GRIK3: variants seen among roughly 807,000 people sequenced by gnomAD.
The protein encoded by GRIK3 is glutamate ionotropic receptor kainate type subunit 3.
In GRIK3, 29 loss-of-function variants were observed where a neutral mutation model predicts 102.5. The observed-to-expected ratio is 0.28, with a 90% CI of 0.21 to 0.39. GRIK3 has a LOEUF of 0.39. Ranked by LOEUF, GRIK3 falls within the 10% of genes least tolerant of loss-of-function variation. The pLI is 1.00. For missense variants in GRIK3, 908 were observed against 1,252.4 expected (o/e 0.73, Z 4.15); for synonymous variants, 511 against 504.9 (o/e 1.01, Z -0.16).
At chr1:36,947,094 G>C (rs546571604) in intron 1 of GRIK3, among the ~76,000 whole-genome samples, 40 of 152,210 alleles carry the variant, frequency 2.6e-4, no homozygotes, top group Admixed American at 7.2e-4. Context: ...GAGAGAGGAG[G>C]CTCAAGGGGA....
chr1:36,915,552 C>A (rs771423660), intron 1 of GRIK3, among the ~76,000 whole-genome samples: 1 of 152,110 alleles, frequency 6.6e-6, no homozygotes, highest in African/African-American at 2.4e-5. Context: ...GGATGTGTCC[C>A]CACCCAAATC....
rs1641524239 is a variant in GRIK3, at chr1:36,926,135, A to G, written c.116-35039T>C. Among the ~76,000 whole-genome samples, 3 of 152,276 alleles carry G rather than the reference A, an allele frequency of 2.0e-5. No homozygotes were observed. In the South Asian group the frequency reaches 6.2e-4, roughly 32 times the overall value. On this transcript the variant is annotated intron_variant, in intron 1 of 15. Transcript: ENST00000373091. ...AGTGATTCCTCAGTCCAGTCCCAAG[A>G]ATTCTTAGGGCCCTGCTTCTACTTT...
At chr1:36,981,707 G>A (rs534875985) in intron 1 of GRIK3, among the ~76,000 whole-genome samples, 1 of 152,174 alleles carries the variant, frequency 6.6e-6, no homozygotes, top group African/African-American at 2.4e-5. Flanking sequence ...TGAGTCATGT[G>A]TCTCTTTATT....
At chr1:36,883,296 G>A (rs964907282) in intron 2 of GRIK3, among the ~76,000 whole-genome samples, 16 of 152,196 alleles carry the variant, frequency 1.1e-4, no homozygotes, top group African/African-American at 3.9e-4. Context: ...GGTGAGAATG[G>A]AGACTTCTCC....
rs150411795 is a variant in GRIK3 at position 36,850,969 on chromosome 1, G to A, written c.1213-545C>T. Among the ~76,000 whole-genome samples, 42 of 152,324 alleles carry A rather than the reference G, an allele frequency of 2.8e-4. 1 individual carries two copies. The South Asian group carries it at 7.5e-3, about 27-fold the overall frequency. On this transcript the variant is annotated intron_variant, in intron 8 of 15. Transcript: ENST00000373091. This position sits in a 1 kb window ranked among gnomAD's most constrained non-coding sequence, Gnocchi z 4.0. The stretch of plus-strand genomic sequence containing the variant: ...GTAGAATAATCTCTCTCTCTACAGC[G>A]TCCTTGTGGATATCGGGCCTGAGGC...
chr1:37,033,101 C>T (rs1642846116), intron 1 of GRIK3, among the ~76,000 whole-genome samples: 1 of 152,220 alleles, frequency 6.6e-6, no homozygotes, highest in African/African-American at 2.4e-5. Context: ...TGCCGGTCGT[C>T]GGCCCGGGAC....
intron 10 of GRIK3, among the ~76,000 whole-genome samples, chr1:36,835,773 C>G (rs1640369890): frequency 6.6e-6 from 1 of 152,226 alleles, no homozygotes; most frequent in South Asian, 2.1e-4. Context: ...AGCCCTCTTG[C>G]TCTCTTACAC....
At chr1:36,924,538 C>T (rs1475802860) in intron 1 of GRIK3, among the ~76,000 whole-genome samples, 2 of 152,176 alleles carry the variant, frequency 1.3e-5, no homozygotes, top group African/African-American at 4.8e-5. Context: ...CACACACAGT[C>T]GCTGTTGCTG....
Position 36,872,527 on chromosome 1 carries a change from G to C in GRIK3, c.551-158C>G, listed in dbSNP as rs1186363480. ...CCACAGAGACTTGTGCACGTGCATG[G>C]ACAACACTGGAGAGCAGGTGTGTGT... On this transcript the variant is annotated intron_variant, in intron 3 of 15. Coordinates refer to ENST00000373091, the MANE Select transcript of GRIK3 (RefSeq NM_000831.4). This position sits in a 1 kb window ranked among gnomAD's most constrained non-coding sequence, Gnocchi z 5.9. Among the ~76,000 whole-genome samples, 1 of 152,200 alleles carries C rather than the reference G, an allele frequency of 6.6e-6. No individual in the cohort carries two copies. Among genetic ancestry groups the C allele is most frequent in the Non-Finnish European group, 1.5e-5 (1 of 68,038 alleles).
chr1:36,847,418 T>G (rs922440969), intron 9 of GRIK3, among the ~76,000 whole-genome samples: 2 of 152,140 alleles, frequency 1.3e-5, no homozygotes, highest in Non-Finnish European at 2.9e-5. Flanking sequence ...AAATGCAAAT[T>G]AAGTTTGTAA....
chr1:36,974,337 T>G (rs1268911357), intron 1 of GRIK3, among the ~76,000 whole-genome samples: 1 of 152,234 alleles, frequency 6.6e-6, no homozygotes, highest in African/African-American at 2.4e-5. Flanking sequence ...TTATTAGTTA[T>G]GTACCTATGG....
intron 1 of GRIK3, among the ~76,000 whole-genome samples, chr1:36,945,011 C>T (rs1641767244): frequency 6.6e-6 from 1 of 152,192 alleles, no homozygotes; most frequent in Non-Finnish European, 1.5e-5. Flanking sequence ...GAGGCTGCCC[C>T]AGCCATGCTG....
intron 1 of GRIK3, among the ~76,000 whole-genome samples, chr1:36,971,280 G>A (rs1377625848): frequency 6.6e-6 from 1 of 152,174 alleles, no homozygotes; most frequent in Non-Finnish European, 1.5e-5. Flanking sequence ...AGGCCAACTG[G>A]GAGGGCTTTA....
intron 10 of GRIK3, among the ~76,000 whole-genome samples, chr1:36,826,514 AAAAGTTAGCT>A (rs1642756338): frequency 6.6e-6 from 1 of 152,036 alleles, no homozygotes; most frequent in African/African-American, 2.4e-5. Context: ...CAAAAAATTA[AAAAGTTAGCT>A]GGGTACAGTG....
intron 9 of GRIK3, among the ~76,000 whole-genome samples, chr1:36,848,826 G>C (rs888771028): frequency 6.8e-6 from 1 of 146,004 alleles, no homozygotes; most frequent in Non-Finnish European, 1.5e-5. Context: ...AGATATTTTT[G>C]CTTATTGGTT....
intron 10 of GRIK3, among the ~76,000 whole-genome samples, chr1:36,837,007 T>C (rs931807060): frequency 5.9e-5 from 9 of 151,948 alleles, no homozygotes; most frequent in African/African-American, 2.2e-4. Flanking sequence ...TAGCCTCTCT[T>C]CCTTGGGCCT....
intron 1 of GRIK3, among the ~76,000 whole-genome samples, chr1:36,986,986 C>A (rs535810555): frequency 6.6e-6 from 1 of 152,318 alleles, no homozygotes; most frequent in Non-Finnish European, 1.5e-5. Context: ...CCCAAGGATA[C>A]AACCCTCCCT....
intron 10 of GRIK3, among the ~76,000 whole-genome samples, chr1:36,832,248 C>T (rs1054799073): frequency 6.6e-6 from 1 of 152,228 alleles, no homozygotes; most frequent in Non-Finnish European, 1.5e-5. Context: ...TGCCCCATGG[C>T]TGGCACAGTG....
At chr1:37,024,055 A>G (rs990180593) in intron 1 of GRIK3, among the ~76,000 whole-genome samples, 5 of 152,070 alleles carry the variant, frequency 3.3e-5, no homozygotes, top group Non-Finnish European at 7.3e-5. Context: ...CATGTATCTC[A>G]TGAGAACAAC....
Sources: gnomAD v4.1 joint callset for allele counts (sites outside exome capture counted in the v4.1 genomes callset) on GRCh38, gnomAD v4.1.1 for gene constraint, Gnocchi (gnomAD v3.1) non-coding constraint, MANE v1.5 for transcripts, NCBI Gene and HGNC (gene_info 2026-07-23, HGNC 2026-07-21) for gene names.